The following TMEM132B variants were observed in gnomAD, a reference collection of about 807,000 sequenced individuals.
TMEM132B encodes the protein transmembrane protein 132B.
In TMEM132B, 18 loss-of-function variants were observed where a neutral mutation model predicts 90.8. That is an observed-to-expected ratio of 0.20 (90% CI 0.14 to 0.29). The LOEUF (loss-of-function observed/expected upper bound fraction) is 0.29, where lower values mean the gene tolerates loss of function less well. TMEM132B is among the 10% of genes least tolerant of loss of function. The pLI is 1.00. For missense variants in TMEM132B, 1,096 were observed against 1,326.8 expected (o/e 0.83, Z 2.70); for synonymous variants, 504 against 523.3 (o/e 0.96, Z 0.50).
chr12:125,200,874 G>A (rs919795218), intron 1 of TMEM132B, among the ~76,000 whole-genome samples: 2 of 152,124 alleles, frequency 1.3e-5, no homozygotes, highest in Non-Finnish European at 2.9e-5. Flanking sequence ...TCTGGCTGTG[G>A]ACAATTCTCA....
chr12:125,250,652 C>G (rs1874297121), intron 1 of TMEM132B, among the ~76,000 whole-genome samples: 1 of 152,202 alleles, frequency 6.6e-6, no homozygotes, highest in African/African-American at 2.4e-5. Context: ...ATTGAGCATC[C>G]CCTTTGCTTT....
intron 5 of TMEM132B, among the ~76,000 whole-genome samples, chr12:125,625,130 C>CTTTTT (rs1169262449): frequency 0.026 from 2,741 of 103,754 alleles, 323 homozygotes; most frequent in African/African-American, 0.099. Context: ...GATTTGACTT[C>CTTTTT]TTTTTTTTTT....
chr12:125,479,076 C>T (rs1881970320), intron 3 of TMEM132B, among the ~76,000 whole-genome samples: 1 of 152,138 alleles, frequency 6.6e-6, no homozygotes, highest in African/African-American at 2.4e-5. Flanking sequence ...GATTTTGTCA[C>T]CACCAGGCCT....
Position 125,654,918 on chromosome 12 carries a change from G to A in TMEM132B, c.*208G>A, listed in dbSNP as rs1593049734. ...ATGCCTCTAAAACAGCCACATGTGG[G>A]GACTGGAGAAATTCTAAGACAACAG... On this transcript the variant is annotated 3_prime_UTR_variant, in exon 9 of 9. Coordinates refer to ENST00000682704, the MANE Select transcript of TMEM132B (RefSeq NM_001366854.1). The surrounding 1 kb of genome is among the most constrained non-coding windows in gnomAD (Gnocchi z 5.8). 5.3e-6 allele frequency: 3 copies of A among 563,532 alleles called. No individual in the cohort carries two copies. The highest frequency in any genetic ancestry group is 6.1e-6 in the Non-Finnish European group (2 of 326,960). The allele number at this position is 563,532 out of a possible 1,614,324, so 34.9% of individuals were successfully genotyped here.
At chr12:125,573,033 A>G (rs1228794834) in intron 4 of TMEM132B, among the ~76,000 whole-genome samples, 1 of 152,120 alleles carries the variant, frequency 6.6e-6, no homozygotes, top group Non-Finnish European at 1.5e-5. Context: ...CTGCCTCTAC[A>G]GGATATATCA....
intron 4 of TMEM132B, among the ~76,000 whole-genome samples, chr12:125,542,014 A>G (rs1251286006): frequency 7.3e-6 from 1 of 137,548 alleles, no homozygotes; most frequent in African/African-American, 2.8e-5. Flanking sequence ...GACAGAGCAA[A>G]ACCCCCGTCT....
At chr12:125,500,133 G>A (rs980263115) in intron 3 of TMEM132B, among the ~76,000 whole-genome samples, 2 of 152,210 alleles carry the variant, frequency 1.3e-5, no homozygotes, top group Non-Finnish European at 2.9e-5. Context: ...CAACCTGCCA[G>A]TCCACCTGGG....
chr12:125,205,927 C>T (rs578146966), intron 1 of TMEM132B, among the ~76,000 whole-genome samples: 56 of 152,294 alleles, frequency 3.7e-4, no homozygotes, highest in Admixed American at 2.0e-3. Context: ...TTGCAGCAGG[C>T]GGGACCCTCA....
intron 5 of TMEM132B, among the ~76,000 whole-genome samples, chr12:125,592,059 G>T (rs1488767076): frequency 1.3e-5 from 2 of 152,146 alleles, no homozygotes; most frequent in African/African-American, 2.4e-5. Flanking sequence ...TCTGGGAGGA[G>T]GTGACTTTAT....
chr12:125,649,910 G>T (rs1442317991), intron 6 of TMEM132B, among the ~76,000 whole-genome samples: 1 of 152,214 alleles, frequency 6.6e-6, no homozygotes, highest in Admixed American at 6.5e-5. Context: ...AAGGAAGGAA[G>T]GGAGAAGCCA....
In TMEM132B at chr12:125,529,140, A is replaced by G. The variant is rs1002683418; in HGVS notation, c.1293+9515A>G. 5.3e-5 allele frequency among the ~76,000 whole-genome samples: 8 copies of G among 152,012 alleles called. No homozygotes were observed. The East Asian group carries it at 1.6e-3, about 29-fold the overall frequency. On this transcript the variant is annotated intron_variant, in intron 4 of 8. Coordinates refer to ENST00000682704, the MANE Select transcript of TMEM132B (RefSeq NM_001366854.1). ...CACTCTGTTGCCCATTTTGGAGTGC[A>G]GTGGCACAATCACAGCTCACTGCAG...
At chr12:125,652,313 TAACC>T in intron 7 of TMEM132B, 124 bp from the exon 8 acceptor site, 1 of 817,058 alleles carries the variant, frequency 1.2e-6, no homozygotes, top group African/African-American at 1.7e-5. Context: ...AATACTTCCC[TAACC>T]GATTCCCACA....
chr12:125,388,150 G>T (rs893388186), intron 2 of TMEM132B, among the ~76,000 whole-genome samples: 2 of 151,598 alleles, frequency 1.3e-5, no homozygotes, highest in Non-Finnish European at 3.0e-5. Flanking sequence ...ATTGTCGCCC[G>T]GGTGCTGTGG....
At chr12:125,515,597 ACACT>A (rs755622718) in intron 3 of TMEM132B, among the ~76,000 whole-genome samples, 3 of 150,770 alleles carry the variant, frequency 2.0e-5, no homozygotes, top group Non-Finnish European at 4.4e-5. Flanking sequence ...CCTCTCACAC[ACACT>A]CATACAACAC....
intron 3 of TMEM132B, among the ~76,000 whole-genome samples, chr12:125,463,945 G>C (rs974551957): frequency 1.3e-5 from 2 of 152,178 alleles, no homozygotes; most frequent in Non-Finnish European, 2.9e-5. Context: ...GAGAAAGAGA[G>C]CAAGAGCAAG....
At chr12:125,257,063 A>G (rs1390277874) in intron 1 of TMEM132B, among the ~76,000 whole-genome samples, 1 of 152,174 alleles carries the variant, frequency 6.6e-6, no homozygotes, top group Non-Finnish European at 1.5e-5. Context: ...CTGTAATCCC[A>G]ACACTTTGGG....
chr12:125,614,472 C>A (rs1166154927), intron 5 of TMEM132B, among the ~76,000 whole-genome samples: 1 of 152,080 alleles, frequency 6.6e-6, no homozygotes, highest in African/African-American at 2.4e-5. Context: ...CTGCATAGTA[C>A]TCCATGGTGT....
chr12:125,624,051 G>A lies in TMEM132B; in HGVS notation c.1438-20025G>A, dbSNP rs991431453. Among the ~76,000 whole-genome samples the A allele has an allele frequency of 1.1e-4, 16 of 152,208 alleles. 1 individual carries two copies. The highest frequency in any genetic ancestry group is 3.9e-4 in the African/African-American group (16 of 41,450). On this transcript the variant is annotated intron_variant, in intron 5 of 8. Coordinates refer to ENST00000682704, the MANE Select transcript of TMEM132B (RefSeq NM_001366854.1). The stretch of plus-strand genomic sequence containing the variant: ...CCCACCCTGCCCCAAGGCCCACACT[G>A]GCTGGGAGGCCTGGACATTCAGTCA...
chr12:125,418,114 G>A (rs375927), intron 3 of TMEM132B, among the ~76,000 whole-genome samples: 2,103 of 152,252 alleles, frequency 0.014, 51 homozygotes, highest in African/African-American at 0.048. Flanking sequence ...GTACAGAATG[G>A]TGATATCCAT....
Sources: gnomAD v4.1 joint callset for allele counts (sites outside exome capture counted in the v4.1 genomes callset) on GRCh38, gnomAD v4.1.1 for gene constraint, Gnocchi (gnomAD v3.1) non-coding constraint, MANE v1.5 for transcripts, NCBI Gene and HGNC (gene_info 2026-07-23, HGNC 2026-07-21) for gene names.